The following CTNNA2 variants were observed in gnomAD, a reference collection of about 807,000 sequenced individuals.
The protein encoded by CTNNA2 is catenin alpha 2.
In CTNNA2, 42 loss-of-function variants were observed where a neutral mutation model predicts 101.0. The ratio of observed to expected loss-of-function variants is 0.42; its 90% CI spans 0.32 to 0.54. CTNNA2 has a LOEUF of 0.54. Ranked by LOEUF, CTNNA2 falls within the 20% of genes least tolerant of loss-of-function variation. CTNNA2 has a pLI of 0.14. For missense variants in CTNNA2, 871 were observed against 1,223.1 expected, an observed-to-expected ratio of 0.71 and a Z score of 4.29; for synonymous variants, 450 against 456.4, an observed-to-expected ratio of 0.99 and a Z score of 0.18.
chr2:80,416,265 TGTG>T (rs572751237), intron 8 of CTNNA2, among the ~76,000 whole-genome samples: 110 of 152,356 alleles, frequency 7.2e-4, no homozygotes, highest in African/African-American at 7.9e-4. Context: ...TTAACTCAAT[TGTG>T]GTAATCATTT....
intron 18 of CTNNA2, among the ~76,000 whole-genome samples, chr2:80,627,698 G>GGAAAC (rs1558657792): frequency 6.6e-6 from 1 of 152,122 alleles, no homozygotes; most frequent in Admixed American, 6.5e-5. Context: ...CTGTGCAGAA[G>GGAAAC]TTCATTAGTT....
intron 2 of CTNNA2, among the ~76,000 whole-genome samples, chr2:79,270,866 G>A (rs1449294598): frequency 6.6e-6 from 1 of 152,004 alleles, no homozygotes; most frequent in Non-Finnish European, 1.5e-5. Context: ...TTTGTCTCCT[G>A]AGTCTTCCAG....
At chr2:80,237,131 A>C (rs1486514041) in intron 7 of CTNNA2, among the ~76,000 whole-genome samples, 1 of 152,178 alleles carries the variant, frequency 6.6e-6, no homozygotes, top group Admixed American at 6.5e-5. Context: ...CCACAAAGAC[A>C]TGAGTTCAGA....
At chr2:80,468,789 A>C (rs1685064300) in intron 9 of CTNNA2, among the ~76,000 whole-genome samples, 1 of 152,224 alleles carries the variant, frequency 6.6e-6, no homozygotes, top group Non-Finnish European at 1.5e-5. Context: ...GATGATGATT[A>C]TCAAGTGCCT....
intron 4 of CTNNA2, among the ~76,000 whole-genome samples, chr2:79,861,164 A>G (rs1210330186): frequency 6.6e-6 from 1 of 152,212 alleles, no homozygotes; most frequent in Admixed American, 6.5e-5. Flanking sequence ...AGTTGGGTTC[A>G]GATTGAGTAA....
chr2:79,421,641 G>A (rs1237449067), intron 4 of CTNNA2, among the ~76,000 whole-genome samples: 1 of 152,000 alleles, frequency 6.6e-6, no homozygotes, highest in East Asian at 1.9e-4. Flanking sequence ...ATTTGGTATC[G>A]GTTTATTTGT....
chr2:79,454,758 C>T (rs1325174847), intron 4 of CTNNA2, among the ~76,000 whole-genome samples: 1 of 151,998 alleles, frequency 6.6e-6, no homozygotes, highest in Non-Finnish European at 1.5e-5. Context: ...AATCAGGTTG[C>T]CATTTTATTA....
intron 7 of CTNNA2, among the ~76,000 whole-genome samples, chr2:80,222,744 G>A (rs751875258): frequency 6.6e-6 from 1 of 152,152 alleles, no homozygotes; most frequent in African/African-American, 2.4e-5. Flanking sequence ...TCCCTATCAG[G>A]CAGTGATAAC....
intron 1 of CTNNA2, among the ~76,000 whole-genome samples, chr2:79,556,962 G>A (rs1466091167): frequency 2.0e-5 from 3 of 151,926 alleles, no homozygotes; most frequent in Non-Finnish European, 2.9e-5. Context: ...CTACATGCTT[G>A]CATTTTTTCT....
At position 80,304,702 on chromosome 2, in the gene CTNNA2, A is replaced by C. The variant is rs930495902; in HGVS notation, c.1057-88509A>C. 7.9e-5 allele frequency: 12 copies of C among 152,712 alleles called. 1 individual carries two copies. Among genetic ancestry groups the C allele is most frequent in the Admixed American group, 5.9e-4 (9 of 15,220 alleles). The allele number at this position is 152,712 out of a possible 1,614,324, so 9.5% of individuals were successfully genotyped here. ...GGCGCCCGGGCTCCTTCCCTCCACC[A>C]GGCAGTGTGCGGCGCGAGCTTGCAC... is the stretch of plus-strand genomic sequence containing the variant. On this transcript the variant is annotated intron_variant, in intron 7 of 18. Coordinates refer to ENST00000402739, the MANE Select transcript of CTNNA2 (RefSeq NM_001282597.3).
intron 7 of CTNNA2, among the ~76,000 whole-genome samples, chr2:80,151,796 C>T (rs1389043920): frequency 6.6e-6 from 1 of 152,330 alleles, no homozygotes; most frequent in Admixed American, 6.5e-5. Context: ...GTTGCCATGC[C>T]TGATGTCTGG....
At chr2:80,254,601 G>A (rs1364374492) in intron 7 of CTNNA2, among the ~76,000 whole-genome samples, 2 of 152,062 alleles carry the variant, frequency 1.3e-5, no homozygotes, top group Non-Finnish European at 2.9e-5. Flanking sequence ...GAAGACAGAT[G>A]AGCACCTTTA....
intron 1 of CTNNA2, among the ~76,000 whole-genome samples, chr2:79,569,165 G>A (rs1210618626): frequency 6.6e-6 from 1 of 152,022 alleles, no homozygotes; most frequent in East Asian, 1.9e-4. Context: ...CACTATTATT[G>A]CTTCTTTCAC....
intron 7 of CTNNA2, among the ~76,000 whole-genome samples, chr2:80,284,907 C>T (rs1674635340): frequency 6.6e-6 from 1 of 152,198 alleles, no homozygotes; most frequent in Admixed American, 6.5e-5. Context: ...GGTGGATCCC[C>T]CCAGCTAGAC....
chr2:79,693,314 C>T (rs1334569329), intron 2 of CTNNA2, among the ~76,000 whole-genome samples: 1 of 151,794 alleles, frequency 6.6e-6, no homozygotes, highest in Non-Finnish European at 1.5e-5. Flanking sequence ...TTTTTTATAA[C>T]ATTTTATTAT....
chr2:80,039,539 A>C (rs1012106105), intron 7 of CTNNA2, among the ~76,000 whole-genome samples: 8 of 152,200 alleles, frequency 5.3e-5, no homozygotes, highest in African/African-American at 1.9e-4. Context: ...GCTTTGCCTA[A>C]AAGAGCAGGG....
intron 2 of CTNNA2, among the ~76,000 whole-genome samples, chr2:79,674,609 A>C (rs1683065218): frequency 6.6e-6 from 1 of 152,230 alleles, no homozygotes; most frequent in African/African-American, 2.4e-5. Flanking sequence ...TAGTGATAAG[A>C]TCTCTAGTAA....
chr2:80,122,305 CCTCT>C (rs1451562055), intron 7 of CTNNA2, among the ~76,000 whole-genome samples: 3 of 150,860 alleles, frequency 2.0e-5, no homozygotes, highest in East Asian at 3.9e-4. Flanking sequence ...ATCTCTCTTC[CCTCT>C]CTCTGTTTCC....
intron 2 of CTNNA2, among the ~76,000 whole-genome samples, chr2:79,287,301 A>C (rs1470169235): frequency 6.6e-6 from 1 of 152,212 alleles, no homozygotes; most frequent in African/African-American, 2.4e-5. Context: ...CTGGTGAGGA[A>C]CTGCGTTCCT....
Sources: gnomAD v4.1 joint callset for allele counts (sites outside exome capture counted in the v4.1 genomes callset) on GRCh38, gnomAD v4.1.1 for gene constraint, MANE v1.5 for transcripts, NCBI Gene and HGNC (gene_info 2026-07-23, HGNC 2026-07-21) for gene names.